Variants in CORIN observed in about 807,000 individuals in gnomAD.
CORIN encodes the protein corin, serine peptidase, also known as atrial natriuretic peptide-converting enzyme.
Under a neutral mutation model 125.3 loss-of-function variants are expected in CORIN, and 117 were observed. The observed-to-expected ratio is 0.93, with a 90% CI of 0.80 to 1.09. The LOEUF is 1.09. CORIN is among the 50% of genes least tolerant of loss of function. CORIN has a pLI of 0.00. For synonymous variants in CORIN, 450 were observed against 466.4 expected (o/e 0.96, Z 0.45); for missense variants, 1,253 against 1,306.7 (o/e 0.96, Z 0.63).
At chr4:47,816,850 A>ACGTG (rs1732294790) in intron 1 of CORIN, among the ~76,000 whole-genome samples, 6 of 110,518 alleles carry the variant, frequency 5.4e-5, no homozygotes, top group Admixed American at 5.3e-4. Context: ...ACACGTGCAC[A>ACGTG]CACACACACA....
At chr4:47,642,074 A>T (rs1276134097) in intron 15 of CORIN, 25 bp from the exon 16 acceptor site, 2 of 1,605,708 alleles carry the variant, frequency 1.2e-6, no homozygotes, top group African/African-American at 2.7e-5. Flanking sequence ...GACAAGGGAA[A>T]CCCTAATTAA....
chr4:47,805,688 T>C (rs1299838370), intron 2 of CORIN, among the ~76,000 whole-genome samples: 2 of 152,136 alleles, frequency 1.3e-5, no homozygotes, highest in East Asian at 1.9e-4. Flanking sequence ...TTATAGCAGA[T>C]CAATGTTATT....
At chr4:47,794,022 A>T (rs1460006127) in intron 2 of CORIN, among the ~76,000 whole-genome samples, 2 of 152,170 alleles carry the variant, frequency 1.3e-5, no homozygotes, top group East Asian at 1.9e-4. Flanking sequence ...AAGAAAAAAA[A>T]TTGTCATGCT....
intron 3 of CORIN, among the ~76,000 whole-genome samples, chr4:47,774,892 T>C (rs552486414): frequency 2.6e-5 from 4 of 152,188 alleles, no homozygotes; most frequent in African/African-American, 7.2e-5. Context: ...TTACCTAAAG[T>C]ATCAAACATA....
intron 4 of CORIN, among the ~76,000 whole-genome samples, chr4:47,761,363 ACTGTG>A (rs1193723222): frequency 6.6e-6 from 1 of 152,120 alleles, no homozygotes; most frequent in Non-Finnish European, 1.5e-5. Flanking sequence ...TTTGAATATT[ACTGTG>A]TCTCGCAGAA....
chr4:47,824,940 G>A (rs1430125588), intron 1 of CORIN, among the ~76,000 whole-genome samples: 3 of 152,104 alleles, frequency 2.0e-5, no homozygotes, highest in Non-Finnish European at 4.4e-5. Context: ...AGCTTTGAGG[G>A]GCCTCCCCAG....
intron 5 of CORIN, among the ~76,000 whole-genome samples, chr4:47,719,402 T>C (rs888464159): frequency 6.6e-6 from 1 of 152,196 alleles, no homozygotes; most frequent in South Asian, 2.1e-4. Flanking sequence ...GAATAGTGCA[T>C]AGTTACCGCT....
chr4:47,743,901 G>C (rs2109836212), intron 5 of CORIN, among the ~76,000 whole-genome samples: 1 of 150,794 alleles, frequency 6.6e-6, no homozygotes, highest in African/African-American at 2.4e-5. Flanking sequence ...AAAAAAAAAA[G>C]ACATGCACAA....
chr4:47,775,385 C>T (rs552116125), intron 3 of CORIN, among the ~76,000 whole-genome samples: 12 of 152,142 alleles, frequency 7.9e-5, no homozygotes, highest in Admixed American at 2.6e-4. Flanking sequence ...CACCCCACGA[C>T]GGGCCCCCGT....
intron 5 of CORIN, among the ~76,000 whole-genome samples, chr4:47,718,380 T>A (rs1040503094): frequency 6.6e-6 from 1 of 152,320 alleles, no homozygotes; most frequent in Middle Eastern, 3.4e-3. Context: ...CCTGAAATGA[T>A]GAGCCCTAGT....
In CORIN at chr4:47,814,760, A is replaced by C. The variant is rs891190693; in HGVS notation, c.64-7713T>G. ...ATCCCATTTTCTGGCATGTAGTTGAAGCATATGAAGTTTAAATAACTCATG... is the reference window on the plus strand; with the variant it reads ...ATCCCATTTTCTGGCATGTAGTTGACGCATATGAAGTTTAAATAACTCATG... On this transcript the variant is annotated intron_variant, in intron 1 of 21. Transcript: ENST00000273857. Among the ~76,000 whole-genome samples the C allele has an allele frequency of 1.1e-4, 16 of 152,290 alleles. No homozygotes were observed. The South Asian group carries it at 2.7e-3, about 26-fold the overall frequency.
chr4:47,721,845 C>G (rs1160312779), intron 5 of CORIN, among the ~76,000 whole-genome samples: 1 of 152,094 alleles, frequency 6.6e-6, no homozygotes, highest in Non-Finnish European at 1.5e-5. Flanking sequence ...TAGGAAAACA[C>G]CATTATTTGA....
intron 5 of CORIN, among the ~76,000 whole-genome samples, chr4:47,713,955 G>T (rs985943485): frequency 6.6e-6 from 1 of 151,978 alleles, no homozygotes; most frequent in Non-Finnish European, 1.5e-5. Flanking sequence ...CTGGAGAAGT[G>T]AGGTGTGGCC....
chr4:47,643,953 C>T (rs191935061), intron 14 of CORIN, among the ~76,000 whole-genome samples: 2 of 152,264 alleles, frequency 1.3e-5, no homozygotes, highest in Admixed American at 1.3e-4. Context: ...ATATCAGGGC[C>T]TTGACCTACG....
rs1167017834 is a variant in CORIN at position 47,763,401 on chromosome 4, A to G, written c.595T>C (p.Cys199Arg). ...LFGCTLAFPE[C>R]IIDGDDSHGL... ...TACCTGTCATCGCCATCAATGATGC[A>G]CTCAGGGAAGGCGAGGGTACAGCCA... Residue 199 changes from cysteine (C) to arginine (R), a missense_variant, in exon 4 of 22, where the codon TGC becomes CGC. Transcript: ENST00000273857. 2 of 1,613,726 alleles carry G rather than the reference A, an allele frequency of 1.2e-6. No individual in the cohort carries two copies. Among genetic ancestry groups the G allele is most frequent in the Non-Finnish European group, 1.7e-6 (2 of 1,179,828 alleles).
rs1721223417 is a variant in CORIN at position 47,595,705 on chromosome 4, C to G, written c.*16G>C. On this transcript the variant is annotated 3_prime_UTR_variant, in exon 22 of 22. Transcript: ENST00000273857. ...CTTTTAGTGTAGCTGGCAAAAGTCT[C>G]TGATCATCCTTATAATTAGTTTAGG... 1 of 1,580,688 alleles carries G rather than the reference C, an allele frequency of 6.3e-7. No individual in the cohort carries two copies. The highest frequency in any genetic ancestry group is 1.4e-5 in the African/African-American group (1 of 73,162).
intron 5 of CORIN, among the ~76,000 whole-genome samples, chr4:47,696,098 GTGAAT>G (rs1421787728): frequency 6.6e-6 from 1 of 152,206 alleles, no homozygotes; most frequent in Non-Finnish European, 1.5e-5. Context: ...CTGTCTTGCA[GTGAAT>G]TGGATCCAGA....
chr4:47,601,783 G>GT (rs1250906305), intron 20 of CORIN, among the ~76,000 whole-genome samples: 3 of 152,012 alleles, frequency 2.0e-5, no homozygotes, highest in Non-Finnish European at 4.4e-5. Flanking sequence ...TTACATGTGA[G>GT]TTTTTTTGAA....
intron 10 of CORIN, among the ~76,000 whole-genome samples, chr4:47,667,318 C>A (rs1388242479): frequency 1.3e-5 from 2 of 152,164 alleles, no homozygotes; most frequent in Non-Finnish European, 2.9e-5. Flanking sequence ...GACTAACACT[C>A]CTTCCAATGA....
Sources: gnomAD v4.1 joint callset for allele counts (sites outside exome capture counted in the v4.1 genomes callset) on GRCh38, gnomAD v4.1.1 for gene constraint, MANE v1.5 for transcripts, NCBI Gene and HGNC (gene_info 2026-07-23, HGNC 2026-07-21) for gene names.